The following DMGDH variants were observed in gnomAD, a reference collection of about 807,000 sequenced individuals.
DMGDH encodes dimethylglycine dehydrogenase, mitochondrial.
In DMGDH, 76 loss-of-function variants were observed where a neutral mutation model predicts 95.2. That is an observed-to-expected ratio of 0.80 (90% CI 0.66 to 0.97). DMGDH has a LOEUF of 0.97. Among genes scored for constraint, DMGDH ranks in the 50% least tolerant of loss-of-function variants. DMGDH has a pLI of 0.00. For synonymous variants in DMGDH, 345 were observed against 377.6 expected, an observed-to-expected ratio of 0.91 and a Z score of 1.00; for missense variants, 987 against 1,055.0, an observed-to-expected ratio of 0.94 and a Z score of 0.89.
Position 79,051,376 on chromosome 5 carries a change from A to AC in DMGDH, c.655dup (p.Val219GlyfsTer15). The AC allele has an allele frequency of 6.2e-7, 1 of 1,614,192 alleles. No homozygotes were observed. The highest frequency in any genetic ancestry group is 1.1e-5 in the South Asian group (1 of 91,074). On this transcript the variant is annotated frameshift_variant, in exon 5 of 16. Coordinates refer to ENST00000255189, the MANE Select transcript of DMGDH (RefSeq NM_013391.3). LOFTEE classifies it high-confidence loss of function. ...ATCTGACCTGGCTTTCAGAGAAGTT[A>AC]CTGGTGCAGGATATTTTAAAAGGGC...
chr5:79,057,447 T>C (rs1755063612), intron 2 of DMGDH, among the ~76,000 whole-genome samples: 3 of 152,148 alleles, frequency 2.0e-5, no homozygotes, highest in Admixed American at 2.0e-4. Context: ...AGTTTGTCAA[T>C]CATCCTTTAT....
chr5:79,001,064 C>T, intron 15 of DMGDH: 2 of 664,176 alleles, frequency 3.0e-6, no homozygotes, highest in South Asian at 1.9e-5. Flanking sequence ...CAATGGCTAC[C>T]ATTGCTTCAA....
rs142181836 is a variant in DMGDH at position 79,044,405 on chromosome 5, T to G, written c.893A>C (p.Tyr298Ser). The part of the protein sequence containing the change: ...LPVLRDLEGS[Y>S]YLRQERDGLL... ...CCCATCCCTTTCCTGTCGGAGATAA[T>G]ATGATCCTTCCAGGTCACGGAGCAC... Residue 298 changes from tyrosine to serine, a missense_variant, in exon 6 of 16, where the codon TAT becomes TCT. By Grantham distance (144) the Tyr-to-Ser change is moderately radical. Coordinates refer to ENST00000255189, the MANE Select transcript of DMGDH (RefSeq NM_013391.3). The G allele has an allele frequency of 1.1e-3, 1,725 of 1,614,218 alleles. 4 individuals are homozygous for G. The highest frequency in any genetic ancestry group is 1.3e-3 in the Non-Finnish European group (1,498 of 1,180,034).
chr5:79,000,698 T>G (rs1753437995), intron 15 of DMGDH: 2 of 614,836 alleles, frequency 3.3e-6, no homozygotes, highest in Non-Finnish European at 6.2e-6. Context: ...GGAACATCTC[T>G]TATTTTCTCC....
At chr5:78,998,614 C>CT (rs1408087556) in intron 15 of DMGDH, among the ~76,000 whole-genome samples, 2 of 152,176 alleles carry the variant, frequency 1.3e-5, no homozygotes, top group Middle Eastern at 3.2e-3. Flanking sequence ...CTTGGGGAGG[C>CT]TGAGGCAGGC....
At position 78,998,085 on chromosome 5, in the gene DMGDH, A is replaced by G. The variant is rs905310098; in HGVS notation, c.2598T>C (p.Thr866=). 4.3e-6 allele frequency: 7 copies of G among 1,614,046 alleles called. No individual in the cohort carries two copies. The highest frequency in any genetic ancestry group is 4.0e-5 in the African/African-American group (3 of 74,912). The stretch of plus-strand genomic sequence containing the variant: ...GTTGACTGCTGAAGGTCTTTTTTCA[A>G]GTTTTGTCCTTTCCACCTTTTTTCT... ...RLQKKGGKDK[T] is the part of the protein sequence containing the mutation. Residue 866 remains threonine, a synonymous_variant, in exon 16 of 16, where the codon ACT becomes ACC. Transcript: ENST00000255189.
At chr5:79,065,307 G>C (rs971167266) in intron 1 of DMGDH, among the ~76,000 whole-genome samples, 1 of 150,172 alleles carries the variant, frequency 6.7e-6, no homozygotes, top group African/African-American at 2.4e-5. Flanking sequence ...CACCCCCAAG[G>C]TTGAAGCGAT....
intron 8 of DMGDH, 137 bp downstream of exon 8, chr5:79,033,102 T>C (rs532953065): frequency 1.8e-6 from 2 of 1,097,996 alleles, no homozygotes; most frequent in South Asian, 1.4e-5. Flanking sequence ...TTCCTTGTTA[T>C]GTCTCAGGGG....
At position 79,028,583 on chromosome 5, in the gene DMGDH, C is replaced by T. The variant is rs1366069560; in HGVS notation, c.1882G>A (p.Gly628Arg). The stretch of plus-strand genomic sequence containing the variant: ...TGTGGCCCAGCAACTCCAAGAACTC[C>T]AAGCTCATCAGTTATGTTTTTAATT... The part of the protein sequence containing the change: ...VEIKNITDEL[G>R]VLGVAGPQAR... The change falls in exon 12 of 16, where the codon GGA becomes AGA. Residue 628 changes from glycine (G) to arginine (R), a missense_variant. Physicochemically the swap from Gly to Arg is moderately radical, Grantham distance 125 (BLOSUM62 -2). Coordinates refer to ENST00000255189, the MANE Select transcript of DMGDH (RefSeq NM_013391.3). 1 of 1,614,110 alleles carries T rather than the reference C, an allele frequency of 6.2e-7. No homozygotes were observed. The highest frequency in any genetic ancestry group is 8.5e-7 in the Non-Finnish European group (1 of 1,180,018).
rs1219254153 is a variant in DMGDH at position 79,044,495 on chromosome 5, A to T, written c.803T>A (p.Val268Asp). ...CGATGTAACAACATATTGATGTTGA[A>T]CCGGAATGAGAGGATGTTCTAGTCC... ...MIGLEHPLIP[V>D]QHQYVVTSTI... Residue 268 changes from valine to aspartate, a missense_variant, in exon 6 of 16, where the codon GTT (valine) becomes GAT (aspartate). Val to Asp is a radical substitution (Grantham distance 152, BLOSUM62 -3). Coordinates refer to ENST00000255189, the MANE Select transcript of DMGDH (RefSeq NM_013391.3). 4 of 1,614,072 alleles carry T rather than the reference A, an allele frequency of 2.5e-6. No individual in the cohort carries two copies. Among genetic ancestry groups the T allele is most frequent in the Non-Finnish European group, 3.4e-6 (4 of 1,180,024 alleles).
chr5:79,004,484 G>A (rs2112598943), intron 15 of DMGDH, among the ~76,000 whole-genome samples: 1 of 152,200 alleles, frequency 6.6e-6, no homozygotes, highest in East Asian at 1.9e-4. Context: ...TTGTGGAACA[G>A]CTGCTTAGAT....
intron 2 of DMGDH, among the ~76,000 whole-genome samples, chr5:79,057,578 C>T (rs549960448): frequency 6.6e-6 from 1 of 152,024 alleles, no homozygotes; most frequent in South Asian, 2.1e-4. Flanking sequence ...TAGCACAGCT[C>T]CATGTGGAAG....
At chr5:79,051,144 T>C in intron 5 of DMGDH, 143 bp downstream of exon 5, 1 of 921,438 alleles carries the variant, frequency 1.1e-6, no homozygotes, top group Non-Finnish European at 1.7e-6. Flanking sequence ...GGGAGGGCTT[T>C]GTCACTTAGA....
chr5:79,025,403 A>C (rs945895691), intron 13 of DMGDH, among the ~76,000 whole-genome samples: 1 of 152,146 alleles, frequency 6.6e-6, no homozygotes, highest in Non-Finnish European at 1.5e-5. Flanking sequence ...ATCCCCTAAT[A>C]GGGGATCTCT....
intron 14 of DMGDH, among the ~76,000 whole-genome samples, chr5:79,014,912 C>T (rs1310676073): frequency 1.3e-5 from 2 of 152,102 alleles, no homozygotes; most frequent in African/African-American, 4.8e-5. Flanking sequence ...GGCCTCTGTC[C>T]TCAAAGTTGA....
chr5:79,003,947 A>AAAATAAATAAATAAATAAAT lies in DMGDH; in HGVS notation c.2385+1306_2385+1325dup, dbSNP rs562382857. ...GGGCAACAGAGTAAGGCTCTGTCTCAAAATAAATAAATAAATAAATAAAAA... is the reference window on the plus strand; with the variant it reads ...GGGCAACAGAGTAAGGCTCTGTCTCAAAATAAATAAATAAATAAATAAATAAATAAATAAATAAATAAAAA... On this transcript the variant is annotated intron_variant, in intron 15 of 15. Coordinates refer to ENST00000255189, the MANE Select transcript of DMGDH (RefSeq NM_013391.3). Among the ~76,000 whole-genome samples, 366 of 151,012 alleles carry AAAATAAATAAATAAATAAAT rather than the reference A, an allele frequency of 2.4e-3. 1 individual carries two copies. The highest frequency in any genetic ancestry group is 6.2e-3 in the East Asian group (32 of 5,172).
intron 4 of DMGDH, among the ~76,000 whole-genome samples, chr5:79,051,769 T>A (rs545157169): frequency 1.3e-5 from 2 of 152,166 alleles, no homozygotes; most frequent in African/African-American, 4.8e-5. Context: ...TCAATTATAA[T>A]TTATATTTAA....
Position 79,005,309 on chromosome 5 carries a change from A to T in DMGDH, c.2349T>A (p.Asp783Glu). The stretch of plus-strand genomic sequence containing the variant: ...ACCAGATGCTTTCATTTCCCTCTGG[A>T]TCAACATCATCCGTTGCCAAGGTGA... ...VCLTLATDDV[D>E]PEGNESIWYN... Residue 783 changes from aspartate (D) to glutamate (E), a missense_variant, in exon 15 of 16, where the codon GAT (aspartate) becomes GAA (glutamate). Asp to Glu is a conservative substitution (Grantham distance 45, BLOSUM62 2). Transcript: ENST00000255189. 6.2e-7 allele frequency: 1 copy of T among 1,613,794 alleles called. No individual in the cohort carries two copies. The highest frequency in any genetic ancestry group is 8.5e-7 in the Non-Finnish European group (1 of 1,179,894).
At chr5:79,007,356 G>A (rs1283913596) in intron 14 of DMGDH, among the ~76,000 whole-genome samples, 3 of 152,086 alleles carry the variant, frequency 2.0e-5, no homozygotes, top group Non-Finnish European at 2.9e-5. Flanking sequence ...TGTATATGGA[G>A]GGGCTGACTT....
Sources: gnomAD v4.1 joint callset for allele counts (sites outside exome capture counted in the v4.1 genomes callset) on GRCh38, gnomAD v4.1.1 for gene constraint, MANE v1.5 for transcripts, NCBI Gene and HGNC (gene_info 2026-07-23, HGNC 2026-07-21) for gene names.